The following RGL1 variants were observed in gnomAD, a reference collection of about 807,000 sequenced individuals.
RGL1 encodes the protein ral guanine nucleotide dissociation stimulator like 1.
A neutral mutation model predicts 95.2 loss-of-function variants in RGL1; 24 were observed. The ratio of observed to expected loss-of-function variants is 0.25; its 90% CI spans 0.18 to 0.35. RGL1 has a LOEUF of 0.35. Among genes scored for constraint, RGL1 ranks in the 10% least tolerant of loss-of-function variants. RGL1 has a pLI of 1.00. For missense variants in RGL1, 715 were observed against 936.3 expected (o/e 0.76, Z 3.08); for synonymous variants, 329 against 344.9 (o/e 0.95, Z 0.51).
At chr1:183,684,182 T>G (rs753154356) in intron 1 of RGL1, among the ~76,000 whole-genome samples, 1 of 152,182 alleles carries the variant, frequency 6.6e-6, no homozygotes, top group Non-Finnish European at 1.5e-5. Flanking sequence ...TTCATTAAAC[T>G]CATTCTCCAT....
intron 3 of RGL1, among the ~76,000 whole-genome samples, chr1:183,855,711 AG>A (rs1665098149): frequency 1.3e-5 from 2 of 152,200 alleles, no homozygotes; most frequent in Non-Finnish European, 2.9e-5. Flanking sequence ...TAGGGTCACC[AG>A]CATCTAGAGG....
At chr1:183,781,088 C>T (rs903105587) in intron 2 of RGL1, among the ~76,000 whole-genome samples, 2 of 152,156 alleles carry the variant, frequency 1.3e-5, no homozygotes, top group Non-Finnish European at 2.9e-5. Context: ...TTATGGATAG[C>T]TAGGACATTT....
At chr1:183,914,921 T>A (rs879391407) in intron 15 of RGL1, among the ~76,000 whole-genome samples, 2 of 152,212 alleles carry the variant, frequency 1.3e-5, no homozygotes, top group African/African-American at 2.4e-5. Context: ...CAAAGAAACT[T>A]ATGCTATTAA....
chr1:183,745,127 C>A (rs565179775), intron 2 of RGL1, among the ~76,000 whole-genome samples: 1 of 152,240 alleles, frequency 6.6e-6, no homozygotes. Flanking sequence ...ATTCTTGTGG[C>A]ATTGAGCATC....
At chr1:183,880,901 T>G in intron 5 of RGL1, 101 bp downstream of exon 5, 3 of 1,084,818 alleles carry the variant, frequency 2.8e-6, no homozygotes, top group Non-Finnish European at 3.9e-6. Flanking sequence ...GAAACCTTGG[T>G]ACCCTCAAAA....
intron 3 of RGL1, among the ~76,000 whole-genome samples, chr1:183,858,901 T>A (rs1665335027): frequency 6.6e-6 from 1 of 152,356 alleles, no homozygotes; most frequent in East Asian, 1.9e-4. Flanking sequence ...TCATATTCAT[T>A]GTATTTGATG....
intron 3 of RGL1, among the ~76,000 whole-genome samples, chr1:183,865,461 T>C (rs1202418984): frequency 6.6e-6 from 1 of 152,178 alleles, no homozygotes; most frequent in Non-Finnish European, 1.5e-5. Context: ...GCCTTAATTT[T>C]AGGGTCCAGA....
Position 183,794,507 on chromosome 1 carries a change from C to G in RGL1, c.133-11868C>G, listed in dbSNP as rs185699019. 3.1e-3 allele frequency among the ~76,000 whole-genome samples: 468 copies of G among 152,298 alleles called. 2 individuals are homozygous for G. The highest frequency in any genetic ancestry group is 0.011 in the African/African-American group (457 of 41,576). ...CCTAATTACCCTGATTTGCTCACTG[C>G]ACATTGTATGCATTTATCAAACTAT... is the stretch of plus-strand genomic sequence containing the variant. On this transcript the variant is annotated intron_variant, in intron 2 of 18. Coordinates refer to the RGL1 transcript ENST00000304685.
At chr1:183,896,784 A>G (rs1291217954) in intron 9 of RGL1, among the ~76,000 whole-genome samples, 2 of 152,224 alleles carry the variant, frequency 1.3e-5, no homozygotes, top group Non-Finnish European at 2.9e-5. Flanking sequence ...TACTCATTAT[A>G]TAGAAGAGTT....
intron 14 of RGL1, among the ~76,000 whole-genome samples, chr1:183,908,917 A>G (rs929386358): frequency 6.6e-6 from 1 of 152,072 alleles, no homozygotes; most frequent in Non-Finnish European, 1.5e-5. Flanking sequence ...CGGGATCTAT[A>G]TGTTTTGTGG....
At position 183,864,789 on chromosome 1, in the gene RGL1, C is replaced by A. The variant is rs559583951; in HGVS notation, c.348-1207C>A. The stretch of plus-strand genomic sequence containing the variant: ...AGAAAGGAGCAGGTGGATGGGTGAG[C>A]TGGTGCCTAAGGGCGCAAACTGGAA... On this transcript the variant is annotated intron_variant, in intron 3 of 17. Coordinates refer to ENST00000360851, the MANE Select transcript of RGL1 (RefSeq NM_001297671.3). Among the ~76,000 whole-genome samples the A allele has an allele frequency of 7.9e-5, 12 of 152,248 alleles. No individual in the cohort carries two copies. The East Asian group carries it at 2.3e-3, about 29-fold the overall frequency.
chr1:183,882,090 T>C (rs1572548022), intron 5 of RGL1, among the ~76,000 whole-genome samples: 6 of 152,370 alleles, frequency 3.9e-5, no homozygotes, highest in Admixed American at 3.3e-4. Context: ...GTGCTTGTTT[T>C]ACCCAATTTT....
Position 183,898,575 on chromosome 1 carries a change from G to A in RGL1, c.1230+678G>A, listed in dbSNP as rs887698040. Reference sequence around the variant, plus strand: ...AACTCTAAATATTCTGCTTTAAGAGGGTTTTCTCTTTCTTTGGAAAGCTCA... The same window carrying A: ...AACTCTAAATATTCTGCTTTAAGAGAGTTTTCTCTTTCTTTGGAAAGCTCA... On this transcript the variant is annotated intron_variant, in intron 10 of 17. Coordinates refer to ENST00000360851, the MANE Select transcript of RGL1 (RefSeq NM_001297671.3). Among the ~76,000 whole-genome samples the A allele has an allele frequency of 2.6e-5, 4 of 152,090 alleles. No homozygotes were observed. The East Asian group carries it at 7.7e-4, about 29-fold the overall frequency.
chr1:183,806,294 A>G, intron 1 of RGL1, 81 bp from the exon 2 acceptor site: 1 of 1,047,406 alleles, frequency 9.5e-7, no homozygotes, highest in Non-Finnish European at 1.5e-6. Context: ...TGTTGTAAGC[A>G]GCAAGGCAGC....
chr1:183,668,885 T>A (rs1652229007), intron 1 of RGL1, among the ~76,000 whole-genome samples: 1 of 151,824 alleles, frequency 6.6e-6, no homozygotes, highest in Non-Finnish European at 1.5e-5. Context: ...TATTCTGTTA[T>A]GAGTTTTTAT....
chr1:183,719,028 G>C (rs1655819777), intron 1 of RGL1, among the ~76,000 whole-genome samples: 1 of 152,174 alleles, frequency 6.6e-6, no homozygotes, highest in Non-Finnish European at 1.5e-5. Flanking sequence ...CTCACAATAA[G>C]GGCTGAACAA....
chr1:183,715,419 T>C (rs1655552965), intron 1 of RGL1, among the ~76,000 whole-genome samples: 1 of 152,192 alleles, frequency 6.6e-6, no homozygotes, highest in African/African-American at 2.4e-5. Context: ...CTGATTGTTA[T>C]ATAGATTTTC....
Position 183,912,239 on chromosome 1 carries a change from A to G in RGL1, c.1720A>G (p.Met574Val), listed in dbSNP as rs1668687008. ...SEAEEGSITP[M>V]DTPDEPQKKL... ...GGCTGAGGAGGGCTCCATTACTCCC[A>G]TGGACACCCCTGATGAGCCTCAAAA... Residue 574 changes from methionine (M) to valine (V), a missense_variant, in exon 15 of 18, where the codon ATG becomes GTG. Met to Val is a conservative substitution (Grantham distance 21, BLOSUM62 1). Coordinates refer to ENST00000360851, the MANE Select transcript of RGL1 (RefSeq NM_001297671.3). 5 of 1,613,932 alleles carry G rather than the reference A, an allele frequency of 3.1e-6. No individual in the cohort carries two copies. The highest frequency in any genetic ancestry group is 1.7e-5 in the Admixed American group (1 of 59,986).
At position 183,753,277 on chromosome 1, in the gene RGL1, A is replaced by T. The variant is rs527817840; in HGVS notation, c.132+10988A>T. 2.6e-3 allele frequency among the ~76,000 whole-genome samples: 394 copies of T among 151,976 alleles called. 3 individuals carry two copies. The highest frequency in any genetic ancestry group is 4.4e-3 in the Non-Finnish European group (300 of 67,944). On this transcript the variant is annotated intron_variant, in intron 2 of 18. Transcript: ENST00000304685. ...ACTCAATCATTGATTTTTAAATTTC[A>T]CTTATTGTATTATTTACTTCTAGAA...
Sources: gnomAD v4.1 joint callset for allele counts (sites outside exome capture counted in the v4.1 genomes callset) on GRCh38, gnomAD v4.1.1 for gene constraint, MANE v1.5 for transcripts, NCBI Gene and HGNC (gene_info 2026-07-23, HGNC 2026-07-21) for gene names.